The following TMEM163 variants were observed in gnomAD, a reference collection of about 807,000 sequenced individuals.
The protein encoded by TMEM163 is transmembrane protein 163.
TMEM163 carries 17 observed loss-of-function variants against 29.3 expected under a neutral mutation model. The ratio of observed to expected loss-of-function variants is 0.58; its 90% confidence interval spans 0.40 to 0.87. The LOEUF is 0.87. TMEM163 is among the 40% of genes least tolerant of loss of function. The pLI, the probability that TMEM163 is intolerant of heterozygous loss-of-function variation, is 0.00. For synonymous variants in TMEM163, 157 were observed against 160.6 expected (o/e 0.98, Z 0.17); for missense variants, 303 against 381.5 (o/e 0.79, Z 1.71).
chr2:134,695,661 G>A (rs1684563322), intron 2 of TMEM163, among the ~76,000 whole-genome samples: 1 of 152,274 alleles, frequency 6.6e-6, no homozygotes, highest in Middle Eastern at 3.4e-3. Context: ...TAGTCAGCTT[G>A]AAGTTAAATT....
At chr2:134,495,226 G>A (rs999619328) in intron 5 of TMEM163, among the ~76,000 whole-genome samples, 70 of 152,298 alleles carry the variant, frequency 4.6e-4, no homozygotes, top group Middle Eastern at 3.4e-3. Flanking sequence ...GGAGACACCC[G>A]AAAAAGAAGG....
In TMEM163 at chr2:134,466,102, G is replaced by A. The variant is rs988566684; in HGVS notation, c.667+12C>T. On this transcript the variant is annotated intron_variant, in intron 6 of 7. Transcript: ENST00000281924. Reference sequence around the variant, plus strand: ...CCAGCCCCCAGAGATTAGGCACCCTGGCCTTACTCACCATCTGTTATGAGT... The same window carrying A: ...CCAGCCCCCAGAGATTAGGCACCCTAGCCTTACTCACCATCTGTTATGAGT... The A allele has an allele frequency of 4.4e-6, 7 of 1,600,892 alleles. No homozygotes were observed. In the African/African-American group the frequency reaches 9.4e-5, roughly 21 times the overall value.
At position 134,686,039 on chromosome 2, in the gene TMEM163, C is replaced by T. The variant is rs142594096; in HGVS notation, c.322+27161G>A. Among the ~76,000 whole-genome samples the T allele has an allele frequency of 8.5e-5, 13 of 152,314 alleles. No individual in the cohort carries two copies. In the East Asian group the frequency reaches 2.3e-3, roughly 27 times the overall value. On this transcript the variant is annotated intron_variant, in intron 2 of 7. Coordinates refer to ENST00000281924, the MANE Select transcript of TMEM163 (RefSeq NM_030923.5). ...GTCTGTCCTGTCACAGAAATGGCTGCCACAGGTCCTGGTGTCATACCCAGA... is the reference window on the plus strand; with the variant it reads ...GTCTGTCCTGTCACAGAAATGGCTGTCACAGGTCCTGGTGTCATACCCAGA...
chr2:134,495,100 C>G (rs1679519913), intron 5 of TMEM163, among the ~76,000 whole-genome samples: 1 of 152,148 alleles, frequency 6.6e-6, no homozygotes. Flanking sequence ...TTGGATGTGT[C>G]AAAAGGGAGG....
At chr2:134,542,217 T>C (rs909436622) in intron 4 of TMEM163, among the ~76,000 whole-genome samples, 1 of 152,212 alleles carries the variant, frequency 6.6e-6, no homozygotes, top group Non-Finnish European at 1.5e-5. Context: ...ATTTTAGGGA[T>C]AGAAAGTAAG....
chr2:134,576,353 G>A (rs540736442), intron 2 of TMEM163, among the ~76,000 whole-genome samples: 149 of 152,210 alleles, frequency 9.8e-4, no homozygotes, highest in African/African-American at 3.5e-3. Flanking sequence ...AAATAAAAAT[G>A]CCACAAGGGC....
At chr2:134,524,802 C>T (rs1240511279) in intron 4 of TMEM163, among the ~76,000 whole-genome samples, 1 of 150,324 alleles carries the variant, frequency 6.7e-6, no homozygotes, top group Non-Finnish European at 1.5e-5. Context: ...CATGTCTTTG[C>T]TATTGTGAAT....
rs1269975435 is a variant in TMEM163, at chr2:134,713,260, C to T, written c.262G>A (p.Ala88Thr). ...PHEAQNYRKK[A>T]LWVSWFSIIV... ...ATGGAGAACCAGGACACCCACAATGCCTTCTTCCTGTAGTTCTGGGCTTCG... is the reference window on the plus strand; with the variant it reads ...ATGGAGAACCAGGACACCCACAATGTCTTCTTCCTGTAGTTCTGGGCTTCG... Residue 88 changes from alanine to threonine, a missense_variant, in exon 2 of 8, where the codon GCA becomes ACA. Around this residue, in one of 2 missense-constraint regions of TMEM163, gnomAD observed 203 missense variants for 294.3 expected, o/e 0.69. Coordinates refer to ENST00000281924, the MANE Select transcript of TMEM163 (RefSeq NM_030923.5). 1.2e-6 allele frequency: 2 copies of T among 1,614,018 alleles called. No individual in the cohort carries two copies. The highest frequency in any genetic ancestry group is 3.3e-5 in the Admixed American group (2 of 60,000).
At chr2:134,690,059 T>C (rs564797163) in intron 2 of TMEM163, among the ~76,000 whole-genome samples, 2 of 152,016 alleles carry the variant, frequency 1.3e-5, no homozygotes, top group Non-Finnish European at 2.9e-5. Flanking sequence ...GCCTCTGAAA[T>C]AGCTGGGACT....
chr2:134,466,082 C>G, intron 6 of TMEM163, 32 bp downstream of exon 6: 2 of 1,513,358 alleles, frequency 1.3e-6, no homozygotes, highest in South Asian at 2.3e-5. Flanking sequence ...TGAGCCCAGC[C>G]CCCAGAGATT....
chr2:134,626,104 T>A (rs1682844194), intron 2 of TMEM163, among the ~76,000 whole-genome samples: 2 of 126,394 alleles, frequency 1.6e-5, no homozygotes, highest in South Asian at 5.1e-4. Flanking sequence ...CTTTTTTTTT[T>A]TTTTTTTTTT....
intron 2 of TMEM163, among the ~76,000 whole-genome samples, chr2:134,571,506 C>T (rs867276121): frequency 2.0e-5 from 3 of 152,106 alleles, no homozygotes; most frequent in Admixed American, 6.6e-5. Context: ...TTACAAAATA[C>T]GTTTTCAGAG....
chr2:134,598,983 G>A (rs1411833609), intron 2 of TMEM163, among the ~76,000 whole-genome samples: 2 of 135,984 alleles, frequency 1.5e-5, no homozygotes, highest in African/African-American at 2.8e-5. Flanking sequence ...TGGATTAAAT[G>A]CTTTGAAAGG....
At chr2:134,609,991 A>T (rs555481116) in intron 2 of TMEM163, among the ~76,000 whole-genome samples, 144 of 152,306 alleles carry the variant, frequency 9.5e-4, no homozygotes, top group African/African-American at 3.3e-3. Flanking sequence ...GAGAGAGAAA[A>T]TCAAAGCTGC....
At chr2:134,713,389 T>C (rs1435655896) in intron 1 of TMEM163, 70 bp from the exon 2 acceptor site, 1 of 1,599,556 alleles carries the variant, frequency 6.3e-7, no homozygotes, top group African/African-American at 1.3e-5. Context: ...GAGCTACAAT[T>C]TCTTACCCAA....
At chr2:134,666,470 C>G (rs546108603) in intron 2 of TMEM163, among the ~76,000 whole-genome samples, 1 of 152,226 alleles carries the variant, frequency 6.6e-6, no homozygotes, top group African/African-American at 2.4e-5. Context: ...CCACCTGCTC[C>G]GCCTTGAAAG....
intron 4 of TMEM163, among the ~76,000 whole-genome samples, chr2:134,532,781 T>G (rs140812607): frequency 7.2e-4 from 110 of 152,082 alleles, no homozygotes; most frequent in African/African-American, 2.6e-3. Context: ...ATCAAATAGG[T>G]GAGCTTACCA....
At chr2:134,542,152 G>A (rs935748438) in intron 4 of TMEM163, among the ~76,000 whole-genome samples, 2 of 152,094 alleles carry the variant, frequency 1.3e-5, no homozygotes, top group African/African-American at 2.4e-5. Flanking sequence ...AAAACAAAAC[G>A]CGAAGGTAGA....
In TMEM163 at chr2:134,458,074, A is replaced by G. The variant is rs776518752; in HGVS notation, c.767T>C (p.Ile256Thr). The G allele has an allele frequency of 5.0e-6, 8 of 1,614,080 alleles. No homozygotes were observed. The highest frequency in any genetic ancestry group is 1.1e-5 in the South Asian group (1 of 91,094). Residue 256 changes from isoleucine (I) to threonine (T), a missense_variant, in exon 7 of 8, where the codon ATA becomes ACA. Ile to Thr is a moderately conservative substitution (Grantham distance 89, BLOSUM62 -1). This residue lies in a region of TMEM163 where 203 missense variants were observed against 294.3 expected (regional missense o/e 0.69). Coordinates refer to ENST00000281924, the MANE Select transcript of TMEM163 (RefSeq NM_030923.5). ...DSAVWYLDGSIGVLIGLTIFA... is the reference protein window; with the variant it reads ...DSAVWYLDGSTGVLIGLTIFA... Reference sequence around the variant, plus strand: ...TATGGTGAGGCCGATCAGAACGCCTATGCTGCCGTCCAGGTACCAGACCGC... The same window carrying G: ...TATGGTGAGGCCGATCAGAACGCCTGTGCTGCCGTCCAGGTACCAGACCGC...
Sources: gnomAD v4.1 joint callset for allele counts (sites outside exome capture counted in the v4.1 genomes callset) on GRCh38, gnomAD v4.1.1 for gene constraint, gnomAD v4.1.1 regional missense constraint, MANE v1.5 for transcripts, NCBI Gene and HGNC (gene_info 2026-07-23, HGNC 2026-07-21) for gene names.